Variants in ZNF14 observed in about 807,000 individuals in gnomAD.
The protein encoded by ZNF14 is zinc finger protein 14, also known as gonadotropin inducible transcription repressor-4.
In ZNF14, 9 loss-of-function variants were observed where a neutral mutation model predicts 11.3. That is an observed-to-expected ratio of 0.80 (90% CI 0.48 to 1.39). The LOEUF (loss-of-function observed/expected upper bound fraction) is 1.39, where lower values mean the gene tolerates loss of function less well. ZNF14 is among the 40% of genes most tolerant of loss of function. The probability of loss-of-function intolerance (pLI) is 0.00; values close to 1 mark genes in which losing one functional copy is unlikely to be tolerated. For missense variants in ZNF14, 711 were observed against 763.9 expected, an observed-to-expected ratio of 0.93 and a Z score of 0.82; for synonymous variants, 239 against 245.7, an observed-to-expected ratio of 0.97 and a Z score of 0.25.
chr19:19,726,960 C>T, intron 1 of ZNF14, among the ~76,000 whole-genome samples: 1 of 133,572 alleles, frequency 7.5e-6, no homozygotes, highest in East Asian at 2.1e-4. Flanking sequence ...GTGGAAGTGT[C>T]CCGATTTTCC....
Position 19,725,691 on chromosome 19 carries a change from C to G in ZNF14, c.3+7265G>C, listed in dbSNP as rs2062404596. On this transcript the variant is annotated intron_variant, in intron 1 of 3. Transcript: ENST00000344099. ...GAGTGTTTTCCAACTTGGTTCCATT[C>G]TCCCCGTCACTTTCAGGTATACCAA... Among the ~76,000 whole-genome samples the G allele has an allele frequency of 3.0e-5, 4 of 134,468 alleles. 1 individual carries two copies. Among genetic ancestry groups the G allele is most frequent in the African/African-American group, 1.1e-4 (4 of 36,504 alleles). The allele number at this position is 134,468 out of a possible 152,430, so 88.2% of individuals were successfully genotyped here.
rs201550881 is a variant in ZNF14 at position 19,720,947 on chromosome 19, TCTTA to T, written c.4-6464_4-6461del. ...AGCATTCATAAGAACAACCTCCTACTCTTACTTTATTTATTTATTGATTTTTTTG... is the reference window on the plus strand; with the variant it reads ...AGCATTCATAAGAACAACCTCCTACTCTTTATTTATTTATTGATTTTTTTG... On this transcript the variant is annotated intron_variant, in intron 1 of 3. Transcript: ENST00000344099. This position sits in a 1 kb window ranked among gnomAD's most constrained non-coding sequence, Gnocchi z 4.1. Among the ~76,000 whole-genome samples the T allele has an allele frequency of 2.2e-3, 329 of 151,608 alleles. 1 individual carries two copies. Among genetic ancestry groups the T allele is most frequent in the Middle Eastern group, 6.8e-3 (2 of 292 alleles).
chr19:19,723,201 A>G (rs932842242), intron 1 of ZNF14, among the ~76,000 whole-genome samples: 2 of 152,150 alleles, frequency 1.3e-5, no homozygotes, highest in African/African-American at 4.8e-5. Context: ...TCAGTATGAT[A>G]TTGGCTGTGG....
chr19:19,725,846 C>T lies in ZNF14; in HGVS notation c.3+7110G>A, dbSNP rs1357575331. On this transcript the variant is annotated intron_variant, in intron 1 of 3. Transcript: ENST00000344099. ...TTCATTTGATCTTCAATCACTGATA[C>T]CCTTTCTCCCACTTGATGAAATCAG... is the stretch of plus-strand genomic sequence containing the variant. Among the ~76,000 whole-genome samples the T allele has an allele frequency of 2.2e-5, 3 of 133,734 alleles. 1 individual carries two copies. The highest frequency in any genetic ancestry group is 5.0e-5 in the Non-Finnish European group (3 of 60,242). 87.7% of individuals were successfully genotyped at this position (133,734 alleles called of 152,430 possible).
chr19:19,731,208 A>G (rs1287844780), intron 1 of ZNF14, among the ~76,000 whole-genome samples: 1 of 152,214 alleles, frequency 6.6e-6, no homozygotes, highest in African/African-American at 2.4e-5. Context: ...CTGAAAAACT[A>G]TATACTACAC....
Position 19,729,754 on chromosome 19 carries a change from C to T in ZNF14, c.3+3202G>A, listed in dbSNP as rs183027982. ...TTATAAAAAAAAATGTACAGAATCA[C>T]CCAATGAGACACATATTTTAAGGGA... is the stretch of plus-strand genomic sequence containing the variant. On this transcript the variant is annotated intron_variant, in intron 1 of 3. Transcript: ENST00000344099. Among the ~76,000 whole-genome samples the T allele has an allele frequency of 2.1e-3, 322 of 152,232 alleles. 1 individual carries two copies. The highest frequency in any genetic ancestry group is 6.8e-3 in the Middle Eastern group (2 of 294).
chr19:19,730,655 G>A (rs1195962791), intron 1 of ZNF14, among the ~76,000 whole-genome samples: 1 of 152,184 alleles, frequency 6.6e-6, no homozygotes, highest in East Asian at 1.9e-4. Context: ...GCTCATGCCT[G>A]TAATCCCAGC....
At chr19:19,731,978 T>C (rs1599474016) in intron 1 of ZNF14, among the ~76,000 whole-genome samples, 1 of 151,984 alleles carries the variant, frequency 6.6e-6, no homozygotes, top group East Asian at 2.0e-4. Context: ...TGAGGCAGAA[T>C]GGCTTGAACC....
chr19:19,712,292 G>C lies in ZNF14; in HGVS notation c.989C>G (p.Thr330Ser). 1 of 1,613,912 alleles carries C rather than the reference G, an allele frequency of 6.2e-7. No homozygotes were observed. The highest frequency in any genetic ancestry group is 8.5e-7 in the Non-Finnish European group (1 of 1,179,980). The part of the protein sequence containing the change: ...ASFRAHVIIH[T>S]GARPYKCKEC... ...TTTACATTTATAAGGTCGAGCCCCA[G>C]TGTGTATTATTACATGTGCTCGAAA... Residue 330 changes from threonine to serine, a missense_variant, in exon 4 of 4, where the codon ACT (threonine) becomes AGT (serine). Thr to Ser is a moderately conservative substitution (Grantham distance 58). Transcript: ENST00000344099.
intron 1 of ZNF14, among the ~76,000 whole-genome samples, chr19:19,723,395 T>C (rs1424914016): frequency 6.6e-6 from 1 of 152,122 alleles, no homozygotes; most frequent in African/African-American, 2.4e-5. Flanking sequence ...TATTGATTTG[T>C]GTATGTTGAA....
chr19:19,732,068 A>G (rs750878487), intron 1 of ZNF14, among the ~76,000 whole-genome samples: 19 of 152,194 alleles, frequency 1.2e-4, no homozygotes, highest in Non-Finnish European at 1.8e-4. Flanking sequence ...TCCGTCACAC[A>G]CAAAAAAAAA....
intron 1 of ZNF14, 78 bp from the exon 2 acceptor site, chr19:19,714,565 T>C: frequency 6.6e-7 from 1 of 1,509,368 alleles, no homozygotes; most frequent in East Asian, 2.3e-5. Flanking sequence ...TTGTAAGAAG[T>C]TCCCATACAA....
At position 19,720,525 on chromosome 19, in the gene ZNF14, TA is replaced by T. The variant is rs1366095669; in HGVS notation, c.4-6039del. Among the ~76,000 whole-genome samples, 1 of 151,990 alleles carries T rather than the reference TA, an allele frequency of 6.6e-6. No homozygotes were observed. The highest frequency in any genetic ancestry group is 1.5e-5 in the Non-Finnish European group (1 of 67,998). On this transcript the variant is annotated intron_variant, in intron 1 of 3. Transcript: ENST00000344099. The surrounding 1 kb of genome is among the most constrained non-coding windows in gnomAD (Gnocchi z 4.1). ...CTGGCTAATTTTTTTGTATTTTTAG[TA>T]GAGACGGGGTTTCGCCATGTTGGCC...
intron 1 of ZNF14, among the ~76,000 whole-genome samples, chr19:19,723,177 C>T (rs1278292261): frequency 2.0e-5 from 3 of 152,132 alleles, no homozygotes; most frequent in South Asian, 4.1e-4. Flanking sequence ...GGAATGCTTC[C>T]AGTTTATGCC....
Position 19,725,361 on chromosome 19 carries a change from A to T in ZNF14, c.3+7595T>A, listed in dbSNP as rs551829194. Among the ~76,000 whole-genome samples the T allele has an allele frequency of 3.7e-5, 5 of 133,604 alleles. 1 individual carries two copies. The East Asian group carries it at 1.1e-3, about 28-fold the overall frequency. 87.6% of individuals were successfully genotyped at this position (133,604 alleles called of 152,430 possible). ...GAAGCTTAGTTTGGCTGGATATGAA[A>T]TTCTGGGTTGAAAATTCTTTTCTTT... On this transcript the variant is annotated intron_variant, in intron 1 of 3. Coordinates refer to ENST00000344099, the MANE Select transcript of ZNF14 (RefSeq NM_021030.3).
intron 1 of ZNF14, among the ~76,000 whole-genome samples, chr19:19,714,713 C>CTTTTTTTTTTTTT (rs3031866): frequency 1.3e-4 from 16 of 122,838 alleles, no homozygotes; most frequent in African/African-American, 2.4e-4. Flanking sequence ...TTTTCTTTTT[C>CTTTTTTTTTTTTT]TTTTTTTTTT....
intron 3 of ZNF14, 74 bp from the exon 4 acceptor site, chr19:19,713,163 A>G (rs1215866959): frequency 7.3e-7 from 1 of 1,373,342 alleles, no homozygotes; most frequent in Admixed American, 2.5e-5. Flanking sequence ...TGAGAATTAC[A>G]TTTTAACCAT....
chr19:19,733,087 G>A lies in ZNF14; in HGVS notation c.-129C>T. ...AGCAGGTGAAACGCAATCTTCCCAT[G>A]GGCCAGGAATGGCGACGTCCGCACT... is the stretch of plus-strand genomic sequence containing the variant. On this transcript the variant is annotated 5_prime_UTR_variant, in exon 1 of 4. Coordinates refer to ENST00000344099, the MANE Select transcript of ZNF14 (RefSeq NM_021030.3). The A allele has an allele frequency of 2.4e-6, 3 of 1,248,078 alleles. No individual in the cohort carries two copies. The highest frequency in any genetic ancestry group is 3.4e-6 in the Non-Finnish European group (3 of 892,560). The allele number at this position is 1,248,078 out of a possible 1,614,324, so 77.3% of individuals were successfully genotyped here. A position where few individuals can be genotyped will look rare whatever the true frequency, so the allele number is the denominator to read the frequency against.
chr19:19,721,126 T>C (rs2145099769), intron 1 of ZNF14, among the ~76,000 whole-genome samples: 1 of 152,150 alleles, frequency 6.6e-6, no homozygotes, highest in Middle Eastern at 3.4e-3. Flanking sequence ...CCCGGCTAAT[T>C]TTTGTATTTT....
Sources: gnomAD v4.1 joint callset for allele counts (sites outside exome capture counted in the v4.1 genomes callset) on GRCh38, gnomAD v4.1.1 for gene constraint, Gnocchi (gnomAD v3.1) non-coding constraint, MANE v1.5 for transcripts, NCBI Gene and HGNC (gene_info 2026-07-23, HGNC 2026-07-21) for gene names.